The following ZBTB20 variants were observed in gnomAD, a reference collection of about 807,000 sequenced individuals.
ZBTB20 encodes zinc finger and BTB domain containing 20.
In ZBTB20, 9 loss-of-function variants were observed where a neutral mutation model predicts 56.9. That is an observed-to-expected ratio of 0.16 (90% CI 0.10 to 0.28). The LOEUF is 0.28. ZBTB20 is among the 10% of genes least tolerant of loss of function. The probability of loss-of-function intolerance (pLI) is 1.00; values close to 1 mark genes in which losing one functional copy is unlikely to be tolerated. For synonymous variants in ZBTB20, 417 were observed against 420.7 expected, an observed-to-expected ratio of 0.99 and a Z score of 0.11; for missense variants, 655 against 1,003.0, an observed-to-expected ratio of 0.65 and a Z score of 4.69.
intron 3 of ZBTB20, among the ~76,000 whole-genome samples, chr3:114,914,853 T>C (rs1218783781): frequency 6.6e-6 from 1 of 151,932 alleles, no homozygotes; most frequent in African/African-American, 2.4e-5. Flanking sequence ...CTTCATTCTG[T>C]TGATATGTGG....
At chr3:114,615,217 T>C (rs2057849398) in intron 6 of ZBTB20, among the ~76,000 whole-genome samples, 1 of 152,220 alleles carries the variant, frequency 6.6e-6, no homozygotes, top group Admixed American at 6.5e-5. Context: ...TAAATACTAT[T>C]TGACAATTTG....
intron 3 of ZBTB20, among the ~76,000 whole-genome samples, chr3:114,965,749 G>A (rs1422398968): frequency 6.6e-6 from 1 of 152,050 alleles, no homozygotes; most frequent in Non-Finnish European, 1.5e-5. Flanking sequence ...GCATTTCTCC[G>A]ATGATTAGTG....
chr3:115,047,033 T>A (rs1186062169), intron 2 of ZBTB20, among the ~76,000 whole-genome samples: 2 of 152,214 alleles, frequency 1.3e-5, no homozygotes, highest in African/African-American at 4.8e-5. Context: ...GTTGATATAA[T>A]GCAGAATCCA....
chr3:114,959,720 TACACACAC>T (rs56785871), intron 3 of ZBTB20, among the ~76,000 whole-genome samples: 4 of 145,258 alleles, frequency 2.8e-5, no homozygotes, highest in Non-Finnish European at 4.5e-5. Context: ...TTTATATACA[TACACACAC>T]ACACACACAC....
intron 3 of ZBTB20, among the ~76,000 whole-genome samples, chr3:114,967,566 C>T (rs2077694388): frequency 6.6e-6 from 1 of 152,116 alleles, no homozygotes; most frequent in South Asian, 2.1e-4. Flanking sequence ...ATTTTGTAGG[C>T]ATATACTTTT....
chr3:114,716,283 T>G (rs886300620), intron 5 of ZBTB20, among the ~76,000 whole-genome samples: 2 of 152,134 alleles, frequency 1.3e-5, no homozygotes, highest in African/African-American at 2.4e-5. Flanking sequence ...CCGATTGCCA[T>G]TTGCTATTCA....
intron 1 of ZBTB20, among the ~76,000 whole-genome samples, chr3:115,138,794 T>G (rs1322680017): frequency 6.6e-6 from 1 of 152,078 alleles, no homozygotes; most frequent in East Asian, 1.9e-4. Flanking sequence ...ACTATTGGTG[T>G]TGGTGGTGTG....
At chr3:114,995,660 T>C (rs987481599) in intron 2 of ZBTB20, among the ~76,000 whole-genome samples, 13 of 151,910 alleles carry the variant, frequency 8.6e-5, no homozygotes, top group African/African-American at 3.1e-4. Context: ...TATTTTCTCA[T>C]TTCAGTTATT....
Position 114,348,822 on chromosome 3 carries a change from G to A in ZBTB20, c.1804+1452C>T, listed in dbSNP as rs1335718851. ...TCCTACTAGCTGATCTGAGAAACAAGGTTGTTTTGAGAAACTAATTTGTTT... is the reference window on the plus strand; with the variant it reads ...TCCTACTAGCTGATCTGAGAAACAAAGTTGTTTTGAGAAACTAATTTGTTT... On this transcript the variant is annotated intron_variant, in intron 11 of 11. Coordinates refer to ENST00000675478, the MANE Select transcript of ZBTB20 (RefSeq NM_001348800.3). Among the ~76,000 whole-genome samples the A allele has an allele frequency of 2.6e-5, 4 of 152,142 alleles. No homozygotes were observed. The East Asian group carries it at 7.7e-4, about 29-fold the overall frequency.
chr3:114,346,965 C>T (rs998655946), intron 11 of ZBTB20, among the ~76,000 whole-genome samples: 41 of 151,674 alleles, frequency 2.7e-4, no homozygotes, highest in Admixed American at 7.2e-4. Flanking sequence ...GGATTACAGG[C>T]GTGAGCCACC....
chr3:114,603,071 C>A (rs2056882189), intron 6 of ZBTB20, among the ~76,000 whole-genome samples: 1 of 151,910 alleles, frequency 6.6e-6, no homozygotes, highest in Non-Finnish European at 1.5e-5. Context: ...TGAATAGAGT[C>A]CTAGAATTTG....
intron 4 of ZBTB20, among the ~76,000 whole-genome samples, chr3:114,806,296 G>A (rs2072098412): frequency 6.6e-6 from 1 of 151,824 alleles, no homozygotes; most frequent in Non-Finnish European, 1.5e-5. Flanking sequence ...CGGGTGTGAA[G>A]TAGTCTTTTA....
intron 1 of ZBTB20, among the ~76,000 whole-genome samples, chr3:115,140,155 G>C (rs1004894792): frequency 2.6e-5 from 4 of 151,986 alleles, no homozygotes; most frequent in African/African-American, 9.7e-5. Context: ...AGGTGCTAAG[G>C]TGGAGATCCG....
chr3:114,926,194 A>G (rs1456097406), intron 3 of ZBTB20, among the ~76,000 whole-genome samples: 1 of 152,170 alleles, frequency 6.6e-6, no homozygotes. Context: ...TTGGAGTTAA[A>G]TTGTCCCATG....
Position 115,136,142 on chromosome 3 carries a change from G to C in ZBTB20, c.-703+11077C>G, listed in dbSNP as rs562405811. Among the ~76,000 whole-genome samples the C allele has an allele frequency of 5.9e-5, 9 of 152,156 alleles. No homozygotes were observed. In the South Asian group the frequency reaches 1.9e-3, roughly 32 times the overall value. ...GAGATACCTGACACATTTCTTTTCT[G>C]AATCATGGTAAATGTAATTTTATTG... On this transcript the variant is annotated intron_variant, in intron 1 of 11. Transcript: ENST00000675478.
intron 2 of ZBTB20, among the ~76,000 whole-genome samples, chr3:114,986,189 G>A (rs2078532985): frequency 6.6e-6 from 1 of 152,022 alleles, no homozygotes; most frequent in African/African-American, 2.4e-5. Flanking sequence ...AAGATTACGG[G>A]AAAACTGAAC....
chr3:115,075,849 G>A (rs537612132), intron 1 of ZBTB20, among the ~76,000 whole-genome samples: 2 of 152,130 alleles, frequency 1.3e-5, no homozygotes, highest in South Asian at 4.1e-4. Flanking sequence ...TGTCTAGTTG[G>A]TAGAGTCTAT....
chr3:114,648,774 A>G (rs1392625680), intron 6 of ZBTB20, among the ~76,000 whole-genome samples: 1 of 152,036 alleles, frequency 6.6e-6, no homozygotes, highest in Non-Finnish European at 1.5e-5. Flanking sequence ...GATCATTGAC[A>G]CTGTCAGAGG....
chr3:114,779,720 T>G (rs1195999163), intron 5 of ZBTB20, among the ~76,000 whole-genome samples: 3 of 152,186 alleles, frequency 2.0e-5, no homozygotes, highest in African/African-American at 7.2e-5. Flanking sequence ...ATGGTTGAGA[T>G]AAATGGGACT....
Sources: gnomAD v4.1 joint callset for allele counts (sites outside exome capture counted in the v4.1 genomes callset) on GRCh38, gnomAD v4.1.1 for gene constraint, MANE v1.5 for transcripts, NCBI Gene and HGNC (gene_info 2026-07-23, HGNC 2026-07-21) for gene names.